FGFR2: variants seen among roughly 807,000 people sequenced by gnomAD.
FGFR2 encodes the protein BEK fibroblast growth factor receptor.
Under a neutral mutation model 95.9 loss-of-function variants are expected in FGFR2, and 19 were observed. The observed-to-expected ratio is 0.20, with a 90% CI of 0.14 to 0.29. The LOEUF (loss-of-function observed/expected upper bound fraction) is 0.29. Among genes scored for constraint, FGFR2 ranks in the 10% least tolerant of loss-of-function variants. The pLI, the probability that FGFR2 is intolerant of heterozygous loss-of-function variation, is 1.00. For missense variants in FGFR2, 707 were observed against 1,056.9 expected, an observed-to-expected ratio of 0.67 and a Z score of 4.59; for synonymous variants, 392 against 393.3, an observed-to-expected ratio of 1.00 and a Z score of 0.04.
At chr10:121,554,518 TTTTTTTG>T (rs1233663871) in intron 4 of FGFR2, among the ~76,000 whole-genome samples, 4 of 138,646 alleles carry the variant, frequency 2.9e-5, no homozygotes, top group Admixed American at 2.1e-4. Flanking sequence ...TTTTTTTTTT[TTTTTTTG>T]TATTTTTAGT....
In FGFR2 at chr10:121,510,395, G is replaced by A. The variant is rs183437337; in HGVS notation, c.1287+4722C>T. The stretch of plus-strand genomic sequence containing the variant: ...AAGGGAGCAGCGAAATAGGGGCAGG[G>A]AGGATGAGGTGCCCACATGAAAGGG... On this transcript the variant is annotated intron_variant, in intron 9 of 17. Transcript: ENST00000358487. Among the ~76,000 whole-genome samples the A allele has an allele frequency of 1.2e-3, 190 of 152,322 alleles. 1 individual carries two copies. Among genetic ancestry groups the A allele is most frequent in the Non-Finnish European group, 2.1e-3 (140 of 68,026 alleles).
At chr10:121,526,889 T>C (rs1005242027) in intron 6 of FGFR2, 3 of 396,860 alleles carry the variant, frequency 7.6e-6, no homozygotes, top group East Asian at 3.6e-5. Context: ...TCGGAAGTCT[T>C]GCAGAATCGG....
chr10:121,575,935 C>CA (rs1859662354), intron 2 of FGFR2, among the ~76,000 whole-genome samples: 1 of 151,872 alleles, frequency 6.6e-6, no homozygotes, highest in Non-Finnish European at 1.5e-5. Context: ...TCTGTAATCC[C>CA]AGCACTTTGG....
In FGFR2 at chr10:121,478,708, C is replaced by G. The variant is rs960739475; in HGVS notation, c.*1149G>C. 1.0e-4 allele frequency: 24 copies of G among 233,432 alleles called. No homozygotes were observed. Among genetic ancestry groups the G allele is most frequent in the Non-Finnish European group, 1.9e-4 (23 of 118,028 alleles). The allele number at this position is 233,432 out of a possible 1,614,324, so 14.5% of individuals were successfully genotyped here. ...ATTTTCTATGATGGGACTTGAAGAT[C>G]CTAACAGGCGTCTCCAACGCCAAAG... On this transcript the variant is annotated 3_prime_UTR_variant, in exon 18 of 18. Coordinates refer to ENST00000358487, the MANE Select transcript of FGFR2 (RefSeq NM_000141.5).
At chr10:121,594,609 C>T (rs528768341) in intron 1 of FGFR2, among the ~76,000 whole-genome samples, 4 of 152,158 alleles carry the variant, frequency 2.6e-5, no homozygotes, top group Non-Finnish European at 5.9e-5. Flanking sequence ...TTCAGTCTTC[C>T]GCCAAGCAGC....
At chr10:121,580,229 C>T (rs1860621829) in intron 2 of FGFR2, among the ~76,000 whole-genome samples, 1 of 152,190 alleles carries the variant, frequency 6.6e-6, no homozygotes, top group African/African-American at 2.4e-5. Context: ...CAACTCAGGA[C>T]CTTCTGGGGG....
intron 6 of FGFR2, among the ~76,000 whole-genome samples, chr10:121,525,439 C>G (rs1006515362): frequency 1.3e-5 from 2 of 152,142 alleles, no homozygotes; most frequent in Non-Finnish European, 2.9e-5. Flanking sequence ...TTCTCTCTCT[C>G]TCACTCTCGG....
At chr10:121,565,873 G>A (rs1227919683) in intron 2 of FGFR2, 169 bp from the exon 3 acceptor site, 2 of 745,714 alleles carry the variant, frequency 2.7e-6, no homozygotes, top group South Asian at 1.7e-5. Context: ...AAGTCAGGAA[G>A]TATCTGGAAG....
intron 9 of FGFR2, among the ~76,000 whole-genome samples, chr10:121,509,451 C>G (rs1473009485): frequency 6.9e-6 from 1 of 144,376 alleles, no homozygotes; most frequent in African/African-American, 2.5e-5. Flanking sequence ...TTTTAAAGGG[C>G]CACCAAGAAA....
intron 5 of FGFR2, among the ~76,000 whole-genome samples, chr10:121,545,666 G>C (rs535269396): frequency 3.0e-4 from 45 of 152,284 alleles, no homozygotes; most frequent in African/African-American, 1.1e-3. Context: ...CATTAGTCAT[G>C]ATTTCTCCCC....
chr10:121,571,294 CTTTTT>C (rs35943673), intron 2 of FGFR2, among the ~76,000 whole-genome samples: 1 of 39,298 alleles, frequency 2.5e-5, no homozygotes, highest in African/African-American at 1.0e-4. Context: ...CGTGCCTGGC[CTTTTT>C]TTTTTTTTTT....
intron 9 of FGFR2, among the ~76,000 whole-genome samples, chr10:121,508,515 C>T (rs895106891): frequency 1.3e-5 from 2 of 152,194 alleles, no homozygotes; most frequent in African/African-American, 4.8e-5. Context: ...GGCAAAAGTT[C>T]ACATGTATCT....
intron 1 of FGFR2, 64 bp downstream of exon 1, chr10:121,597,898 G>A (rs1473601630): frequency 2.6e-6 from 1 of 389,108 alleles, no homozygotes; most frequent in Non-Finnish European, 4.5e-6. Context: ...CGGCGTCCCG[G>A]GCTCCCGTGG....
chr10:121,479,502 G>C lies in FGFR2; in HGVS notation c.*355C>G. ...CACCTATATACTGCATTTGTGCTCT[G>C]TAAGTGTGTGCTGACATAAATCTTC... On this transcript the variant is annotated 3_prime_UTR_variant, in exon 18 of 18. Coordinates refer to ENST00000358487, the MANE Select transcript of FGFR2 (RefSeq NM_000141.5). 3 of 1,159,320 alleles carry C rather than the reference G, an allele frequency of 2.6e-6. No individual in the cohort carries two copies. The highest frequency in any genetic ancestry group is 3.7e-6 in the Non-Finnish European group (3 of 811,320). The allele number at this position is 1,159,320 out of a possible 1,614,324, so 71.8% of individuals were successfully genotyped here.
At position 121,499,341 on chromosome 10, in the gene FGFR2, T is replaced by TAA. The variant is rs369574977; in HGVS notation, c.1562-738_1562-737dup. On this transcript the variant is annotated intron_variant, in intron 11 of 17. Transcript: ENST00000358487. Reference sequence around the variant, plus strand: ...AGTATGGAAAAATCTGGGTTTCCTTTAAAAAAAAAATGAAATATGGGCATG... The same window carrying TAA: ...AGTATGGAAAAATCTGGGTTTCCTTTAAAAAAAAAAAATGAAATATGGGCATG... Among the ~76,000 whole-genome samples, 10 of 150,054 alleles carry TAA rather than the reference T, an allele frequency of 6.7e-5. 1 individual carries two copies. The highest frequency in any genetic ancestry group is 5.3e-4 in the Admixed American group (8 of 15,072).
At chr10:121,523,394 C>T (rs774063194) in intron 6 of FGFR2, among the ~76,000 whole-genome samples, 7 of 152,142 alleles carry the variant, frequency 4.6e-5, no homozygotes, top group Admixed American at 1.3e-4. Context: ...TGGCTGGACA[C>T]CCCAGGGACC....
chr10:121,549,521 G>C lies in FGFR2; in HGVS notation c.624+1769C>G, dbSNP rs543786543. On this transcript the variant is annotated intron_variant, in intron 5 of 17. Coordinates refer to ENST00000358487, the MANE Select transcript of FGFR2 (RefSeq NM_000141.5). ...CTTGTCTCCTGGCATTCAGGTCCTT[G>C]GGCAACCTCCTCCCTAGTGTCTTGC... Among the ~76,000 whole-genome samples, 47 of 152,266 alleles carry C rather than the reference G, an allele frequency of 3.1e-4. No individual in the cohort carries two copies. In the South Asian group the frequency reaches 8.9e-3, roughly 29 times the overall value.
intron 2 of FGFR2, among the ~76,000 whole-genome samples, chr10:121,578,755 C>T (rs940464200): frequency 2.0e-5 from 3 of 152,120 alleles, no homozygotes; most frequent in African/African-American, 7.2e-5. Context: ...ACTAAAAATG[C>T]AAAAATTAGC....
At chr10:121,571,293 CCT>C (rs1564712786) in intron 2 of FGFR2, among the ~76,000 whole-genome samples, 2 of 87,110 alleles carry the variant, frequency 2.3e-5, no homozygotes, top group Non-Finnish European at 4.4e-5. Context: ...CCGTGCCTGG[CCT>C]TTTTTTTTTT....
Sources: gnomAD v4.1 joint callset for allele counts (sites outside exome capture counted in the v4.1 genomes callset) on GRCh38, gnomAD v4.1.1 for gene constraint, MANE v1.5 for transcripts, NCBI Gene and HGNC (gene_info 2026-07-23, HGNC 2026-07-21) for gene names.